Variants in RECQL5 observed in about 807,000 individuals in gnomAD.
The protein encoded by RECQL5 is ATP-dependent DNA helicase Q5.
RECQL5 carries 88 observed loss-of-function variants against 103.4 expected under a neutral mutation model. The observed-to-expected ratio is 0.85, with a 90% confidence interval of 0.72 to 1.02. RECQL5 has a LOEUF of 1.02. Among genes scored for constraint, RECQL5 ranks in the 50% least tolerant of loss-of-function variants. The pLI is 0.00. For synonymous variants in RECQL5, 552 were observed against 507.9 expected (o/e 1.09, Z -1.17); for missense variants, 1,232 against 1,284.3 (o/e 0.96, Z 0.62).
chr17:75,649,909 G>A (rs1414882511), intron 8 of RECQL5: 1 of 985,476 alleles, frequency 1.0e-6, no homozygotes, highest in Non-Finnish European at 1.2e-6. Context: ...TCCCCGGAAG[G>A]TGACAGGAGA....
intron 7 of RECQL5, among the ~76,000 whole-genome samples, chr17:75,651,806 A>G (rs985665942): frequency 6.6e-6 from 1 of 152,182 alleles, no homozygotes; most frequent in Non-Finnish European, 1.5e-5. Flanking sequence ...AGCGCTATAT[A>G]ATATCACCTA....
At position 75,661,711 on chromosome 17, in the gene RECQL5, G is replaced by T; in HGVS notation, c.772-3C>A. The stretch of plus-strand genomic sequence containing the variant: ...TACACAATGCCGCAGCCAGATAACT[G>T]AATGGGGAGATGCAGGAAGAAAATA... On this transcript the variant is annotated splice_region_variant and splice_polypyrimidine_tract_variant and intron_variant, in intron 4 of 19. Transcript: ENST00000317905. The T allele has an allele frequency of 6.2e-7, 1 of 1,609,510 alleles. No individual in the cohort carries two copies. Among genetic ancestry groups the T allele is most frequent in the Non-Finnish European group, 8.5e-7 (1 of 1,175,920 alleles).
rs1231053507 is a variant in RECQL5 at position 75,640,939 on chromosome 17, C to T, written c.1230-9271G>A. On this transcript the variant is annotated intron_variant, in intron 8 of 19. Coordinates refer to ENST00000317905, the MANE Select transcript of RECQL5 (RefSeq NM_004259.7). This position sits in a 1 kb window ranked among gnomAD's most constrained non-coding sequence, Gnocchi z 4.6. ...GAGGAGAAGCTGGAGAGGAGATGGC[C>T]AATGCCATGACACAGGCCATCAGCC... 1 of 1,534,680 alleles carries T rather than the reference C, an allele frequency of 6.5e-7. No homozygotes were observed. The highest frequency in any genetic ancestry group is 2.0e-5 in the Admixed American group (1 of 50,924).
intron 7 of RECQL5, among the ~76,000 whole-genome samples, chr17:75,657,606 T>A (rs1342839242): frequency 6.6e-6 from 1 of 151,792 alleles, no homozygotes; most frequent in Admixed American, 6.6e-5. Flanking sequence ...AAAAAAAAAT[T>A]AGCTGGGCGT....
intron 8 of RECQL5, chr17:75,650,944 G>A (rs1447772180): frequency 1.4e-6 from 2 of 1,450,974 alleles, no homozygotes; most frequent in East Asian, 4.9e-5. Context: ...AGAAGAGGGT[G>A]GAGTGGAGGG....
At chr17:75,667,005 T>G (rs561563579) in intron 1 of RECQL5, 39 bp downstream of exon 1, 22 of 258,468 alleles carry the variant, frequency 8.5e-5, no homozygotes, top group African/African-American at 5.1e-4. Context: ...ATTTTCTCTC[T>G]TGGCTGGCCG....
intron 8 of RECQL5, among the ~76,000 whole-genome samples, chr17:75,643,912 C>A (rs553459765): frequency 6.6e-6 from 1 of 152,362 alleles, no homozygotes; most frequent in African/African-American, 2.4e-5. Context: ...GTGCCCTCTG[C>A]TTCCGCCACA....
intron 2 of RECQL5, among the ~76,000 whole-genome samples, chr17:75,665,816 T>C (rs1011351940): frequency 6.6e-6 from 1 of 152,214 alleles, no homozygotes; most frequent in Non-Finnish European, 1.5e-5. Context: ...GGACATTACT[T>C]AGAGGGCTTT....
At chr17:75,651,831 A>C (rs1214805909) in intron 7 of RECQL5, among the ~76,000 whole-genome samples, 1 of 152,176 alleles carries the variant, frequency 6.6e-6, no homozygotes, top group African/African-American at 2.4e-5. Context: ...AATAATAGTA[A>C]ATACACGCAC....
intron 8 of RECQL5, among the ~76,000 whole-genome samples, 164 bp from the exon 9 acceptor site, chr17:75,631,832 C>T (rs1328379589): frequency 6.6e-6 from 1 of 152,264 alleles, no homozygotes; most frequent in Non-Finnish European, 1.5e-5. Context: ...CATCGTTTGG[C>T]TCTCCCCACT....
intron 8 of RECQL5, chr17:75,647,582 C>A (rs2059504419): frequency 3.9e-6 from 6 of 1,549,162 alleles, no homozygotes; most frequent in Non-Finnish European, 5.2e-6. Context: ...TTGCTGGGGA[C>A]TGAGATGGCA....
Position 75,633,873 on chromosome 17 carries a change from GAGGAGGAGGA to G in RECQL5, c.1230-2215_1230-2206del. On this transcript the variant is annotated intron_variant, in intron 8 of 19. Transcript: ENST00000317905. ...ACGGCGTGGGAGTCGGGGAGAGGGAGAGGAGGAGGAAGGAGGAGGAGAGAGGGAGCTTGTC... is the reference window on the plus strand; with the variant it reads ...ACGGCGTGGGAGTCGGGGAGAGGGAGAGGAGGAGGAGAGAGGGAGCTTGTC... The G allele has an allele frequency of 4.0e-6, 4 of 994,122 alleles. No homozygotes were observed. The African/African-American group carries it at 5.2e-5, about 13-fold the overall frequency. The allele number at this position is 994,122 out of a possible 1,614,324, so 61.6% of individuals were successfully genotyped here.
chr17:75,661,120 G>C (rs1051699141), intron 5 of RECQL5, 54 bp from the exon 6 acceptor site: 7 of 1,434,774 alleles, frequency 4.9e-6, no homozygotes, highest in Non-Finnish European at 3.9e-6. Flanking sequence ...TGGGTTTACC[G>C]GGGGCCTATT....
chr17:75,631,363 C>T (rs1268590794), intron 9 of RECQL5, 87 bp downstream of exon 9: 8 of 1,532,286 alleles, frequency 5.2e-6, no homozygotes, highest in Admixed American at 1.7e-5. Context: ...GGGATTGCGG[C>T]ATCGTGCCAC....
intron 8 of RECQL5, chr17:75,647,775 G>T: frequency 1.8e-6 from 1 of 570,526 alleles, no homozygotes; most frequent in East Asian, 3.1e-5. Context: ...ACCAATTCTG[G>T]CTCCTTGACC....
In RECQL5 at chr17:75,661,700, G is replaced by C; in HGVS notation, c.780C>G (p.Gly260=). The C allele has an allele frequency of 6.2e-7, 1 of 1,613,428 alleles. No homozygotes were observed. The highest frequency in any genetic ancestry group is 1.1e-5 in the South Asian group (1 of 91,066). Residue 260 remains glycine, a synonymous_variant, in exon 5 of 20, where the codon GGC becomes GGG. Coordinates refer to ENST00000317905, the MANE Select transcript of RECQL5 (RefSeq NM_004259.7). ...LGQEADKGLS[G]CGIVYCRTRE... The stretch of plus-strand genomic sequence containing the variant: ...TAGTCCTGCAGTACACAATGCCGCA[G>C]CCAGATAACTGAATGGGGAGATGCA...
rs73995934 is a variant in RECQL5, at chr17:75,626,865, C to G, written c.*557G>C. 1,753 of 392,320 alleles carry G rather than the reference C, an allele frequency of 4.5e-3. 25 individuals carry two copies. The highest frequency in any genetic ancestry group is 0.032 in the African/African-American group (1,566 of 48,754). 24.3% of individuals were successfully genotyped at this position (392,320 alleles called of 1,614,324 possible). Reference sequence around the variant, plus strand: ...CTGGAGAAAAGGGCTGTGTGCACGCCTGCATGCCCCACAACAACACAACTT... The same window carrying G: ...CTGGAGAAAAGGGCTGTGTGCACGCGTGCATGCCCCACAACAACACAACTT... On this transcript the variant is annotated 3_prime_UTR_variant, in exon 20 of 20. Transcript: ENST00000317905.
At chr17:75,644,412 C>T (rs1334129942) in intron 8 of RECQL5, among the ~76,000 whole-genome samples, 3 of 151,960 alleles carry the variant, frequency 2.0e-5, no homozygotes, top group Non-Finnish European at 4.4e-5. Context: ...TTGAGACCAG[C>T]CTGGGCAACA....
chr17:75,646,780 GA>G (rs1026038355), intron 8 of RECQL5: 1 of 152,782 alleles, frequency 6.5e-6, no homozygotes, highest in African/African-American at 2.4e-5. Context: ...GCTACCAGCA[GA>G]ATCAGGTAAT....
Sources: allele counts gnomAD v4.1 joint callset (sites outside exome capture counted in the v4.1 genomes callset), GRCh38; gene constraint gnomAD v4.1.1; non-coding constraint Gnocchi (gnomAD v3.1); transcripts MANE v1.5; gene names NCBI Gene and HGNC (gene_info 2026-07-23, HGNC 2026-07-21).